PALM2AKAP2: variants seen among roughly 807,000 people sequenced by gnomAD.
PALM2AKAP2 encodes the protein PALM2 and AKAP2 fusion.
In PALM2AKAP2, 37 loss-of-function variants were observed where a neutral mutation model predicts 71.5. That is an observed-to-expected ratio of 0.52 (90% CI 0.40 to 0.68). The LOEUF is 0.68. PALM2AKAP2 is among the 30% of genes least tolerant of loss of function. The probability of loss-of-function intolerance (pLI) is 0.00; values close to 1 mark genes in which losing one functional copy is unlikely to be tolerated. For missense variants in PALM2AKAP2, 1,224 were observed against 1,191.8 expected, an observed-to-expected ratio of 1.03 and a Z score of -0.40; for synonymous variants, 468 against 478.8, an observed-to-expected ratio of 0.98 and a Z score of 0.29.
chr9:109,756,687 C>G (rs751095739), intron 1 of PALM2AKAP2, among the ~76,000 whole-genome samples: 26 of 152,250 alleles, frequency 1.7e-4, no homozygotes, highest in Admixed American at 3.9e-4. Context: ...TAATTTCTCC[C>G]CAGAAGTTAA....
chr9:109,770,134 G>A (rs902948319), intron 1 of PALM2AKAP2, among the ~76,000 whole-genome samples: 9 of 152,180 alleles, frequency 5.9e-5, no homozygotes, highest in Non-Finnish European at 8.8e-5. Flanking sequence ...AGGAGCTCTT[G>A]GGCTGGGTCG....
intron 1 of PALM2AKAP2, among the ~76,000 whole-genome samples, chr9:109,818,208 CGAA>C (rs756363899): frequency 2.1e-4 from 32 of 151,988 alleles, no homozygotes; most frequent in Non-Finnish European, 4.3e-4. Flanking sequence ...ATAAGCCTTT[CGAA>C]AAATGTACTT....
chr9:110,087,450 C>A (rs1238171160), intron 1 of PALM2AKAP2, among the ~76,000 whole-genome samples: 2 of 152,168 alleles, frequency 1.3e-5, no homozygotes, highest in Admixed American at 6.5e-5. Flanking sequence ...TGGCTCTTCC[C>A]CAGTCTATTA....
intron 1 of PALM2AKAP2, among the ~76,000 whole-genome samples, chr9:110,122,485 G>C (rs974724663): frequency 1.3e-5 from 2 of 152,172 alleles, no homozygotes; most frequent in African/African-American, 4.8e-5. Flanking sequence ...GATGACCCTA[G>C]GGGGTAGGTG....
chr9:110,074,471 G>A (rs1834275718), intron 1 of PALM2AKAP2, among the ~76,000 whole-genome samples: 1 of 152,150 alleles, frequency 6.6e-6, no homozygotes, highest in Non-Finnish European at 1.5e-5. Flanking sequence ...AAATTTGCAT[G>A]AGGTCTATGG....
upstream of PALM2AKAP2, among the ~76,000 whole-genome samples, chr9:109,779,520 C>A (rs1829400161): frequency 6.6e-6 from 1 of 151,646 alleles, no homozygotes; most frequent in South Asian, 2.1e-4. Context: ...CCTATGTGAT[C>A]CTCCATTTTT....
chr9:110,003,867 T>C (rs1588053606), intron 6 of PALM2AKAP2, among the ~76,000 whole-genome samples: 1 of 152,274 alleles, frequency 6.6e-6, no homozygotes, highest in East Asian at 1.9e-4. Context: ...CCTTTTTTTG[T>C]TTTCCATTTC....
chr9:109,674,190 T>A lies in PALM2AKAP2; in HGVS notation c.5+33324T>A, dbSNP rs2118498684. On this transcript the variant is annotated intron_variant, in intron 1 of 6. Transcript: ENST00000374531. Reference sequence around the variant, plus strand: ...ATTTCTTTTTTGTTTTTTTGTTAGATTTCATATCTTTCCTAAGTTTTCTTA... The same window carrying A: ...ATTTCTTTTTTGTTTTTTTGTTAGAATTCATATCTTTCCTAAGTTTTCTTA... Among the ~76,000 whole-genome samples the A allele has an allele frequency of 1.3e-5, 2 of 152,106 alleles. 1 individual carries two copies. Among genetic ancestry groups the A allele is most frequent in the South Asian group, 4.1e-4 (2 of 4,832 alleles).
At chr9:109,794,563 C>A (rs1827198770) in intron 1 of PALM2AKAP2, among the ~76,000 whole-genome samples, 1 of 152,104 alleles carries the variant, frequency 6.6e-6, no homozygotes, top group South Asian at 2.1e-4. Context: ...TTCTGGCCAG[C>A]CTTCCCTGTT....
At chr9:109,748,960 A>G (rs1391636525) in intron 1 of PALM2AKAP2, among the ~76,000 whole-genome samples, 1 of 152,266 alleles carries the variant, frequency 6.6e-6, no homozygotes. Context: ...CACTCTGATG[A>G]TCTCATTGTG....
rs66848294 is a variant in PALM2AKAP2, at chr9:110,091,459, C to CTTTTTT, written c.156+42620_156+42625dup. Among the ~76,000 whole-genome samples, 272 of 83,650 alleles carry CTTTTTT rather than the reference C, an allele frequency of 3.3e-3. 25 individuals carry two copies. Among genetic ancestry groups the CTTTTTT allele is most frequent in the Middle Eastern group, 0.011 (1 of 92 alleles). 54.9% of individuals were successfully genotyped at this position (83,650 alleles called of 152,430 possible). ...GGCTTTTTAATCTTTGAGATTTATT[C>CTTTTTT]TTTTTTTTTTTTTTTTTTTTTGAGA... On this transcript the variant is annotated intron_variant, in intron 1 of 3. Transcript: ENST00000374525.
chr9:110,149,175 A>G (rs114874354), intron 2 of PALM2AKAP2, among the ~76,000 whole-genome samples: 1,544 of 152,358 alleles, frequency 0.01, 35 homozygotes, highest in African/African-American at 0.035. Flanking sequence ...ACACCAATTT[A>G]TGCTTTCCCA....
chr9:110,158,066 C>T (rs1836501993), intron 3 of PALM2AKAP2, among the ~76,000 whole-genome samples: 1 of 152,204 alleles, frequency 6.6e-6, no homozygotes, highest in Non-Finnish European at 1.5e-5. Context: ...ATGCCCGGCC[C>T]TGGGTAGCTG....
At chr9:109,937,154 G>T (rs1831239190) in intron 6 of PALM2AKAP2, among the ~76,000 whole-genome samples, 1 of 151,980 alleles carries the variant, frequency 6.6e-6, no homozygotes, top group East Asian at 1.9e-4. Context: ...AGGGGGATAA[G>T]TCTGAATCAG....
At chr9:109,826,063 A>G (rs1828141251) in intron 1 of PALM2AKAP2, among the ~76,000 whole-genome samples, 1 of 152,336 alleles carries the variant, frequency 6.6e-6, no homozygotes, top group East Asian at 1.9e-4. Context: ...TGTCCTTTGT[A>G]GGGACATGGA....
chr9:109,783,779 T>A (rs2769148), intron 1 of PALM2AKAP2, among the ~76,000 whole-genome samples: 13,076 of 152,306 alleles, frequency 0.086, 756 homozygotes, highest in Admixed American at 0.15. Flanking sequence ...CACTGAAAAG[T>A]TGGTGTCCCC....
intron 6 of PALM2AKAP2, among the ~76,000 whole-genome samples, chr9:109,974,212 C>T (rs750349308): frequency 9.2e-5 from 14 of 152,148 alleles, no homozygotes; most frequent in Non-Finnish European, 2.1e-4. Flanking sequence ...TTGTCAAGGC[C>T]CTGCCTGGCA....
intron 6 of PALM2AKAP2, among the ~76,000 whole-genome samples, chr9:109,974,888 G>C (rs1358479877): frequency 6.6e-6 from 1 of 152,180 alleles, no homozygotes; most frequent in South Asian, 2.1e-4. Context: ...GATGCAAAAG[G>C]CATCTGAAAG....
chr9:110,168,547 C>T (rs1587887210), exon 4 of PALM2AKAP2: 1 of 1,590,172 alleles, frequency 6.3e-7, no homozygotes, highest in Non-Finnish European at 8.6e-7. Context: ...ACCAAGAAAC[C>T]AAGAAATTAA....
Sources: allele counts gnomAD v4.1 joint callset (sites outside exome capture counted in the v4.1 genomes callset), GRCh38; gene constraint gnomAD v4.1.1; transcripts MANE v1.5; gene names NCBI Gene and HGNC (gene_info 2026-07-23, HGNC 2026-07-21).